The following PCDH15 variants were observed in gnomAD, a reference collection of about 807,000 sequenced individuals.
PCDH15 encodes the protein protocadherin related 15.
A neutral mutation model predicts 178.5 loss-of-function variants in PCDH15; 129 were observed. That is an observed-to-expected ratio of 0.72 (90% CI 0.63 to 0.84). The LOEUF is 0.84. Among genes scored for constraint, PCDH15 ranks in the 40% least tolerant of loss-of-function variants. The pLI is 0.00. For missense variants in PCDH15, 2,230 were observed against 2,099.9 expected (o/e 1.06, Z -1.21); for synonymous variants, 800 against 732.0 (o/e 1.09, Z -1.50).
At chr10:55,437,399 C>G (rs1229068042) in intron 2 of PCDH15, among the ~76,000 whole-genome samples, 2 of 152,074 alleles carry the variant, frequency 1.3e-5, no homozygotes, top group Non-Finnish European at 2.9e-5. Context: ...AATTTGAGTT[C>G]TGGAGGTTCA....
chr10:54,417,549 A>G (rs1836301113), intron 3 of PCDH15, among the ~76,000 whole-genome samples: 1 of 152,176 alleles, frequency 6.6e-6, no homozygotes, highest in Admixed American at 6.5e-5. Context: ...ATATTTAACA[A>G]TGTTTACTAT....
At chr10:53,927,636 A>G (rs559410429) in intron 25 of PCDH15, among the ~76,000 whole-genome samples, 3 of 152,116 alleles carry the variant, frequency 2.0e-5, no homozygotes, top group South Asian at 4.1e-4. Context: ...CATGGCATCA[A>G]ACATAATTTA....
intron 2 of PCDH15, among the ~76,000 whole-genome samples, chr10:55,125,966 T>C (rs1388734749): frequency 6.6e-6 from 1 of 152,100 alleles, no homozygotes; most frequent in Non-Finnish European, 1.5e-5. Flanking sequence ...TCAATGCATA[T>C]GATTTGTGTG....
In PCDH15 at chr10:54,482,806, G is replaced by A. The variant is rs149969966; in HGVS notation, c.157+45006C>T. ...AGAAGCAAGCACATATAGCAGTGGCGAGGTAGTGAATAGAACAAAGTAGCC... is the reference window on the plus strand; with the variant it reads ...AGAAGCAAGCACATATAGCAGTGGCAAGGTAGTGAATAGAACAAAGTAGCC... On this transcript the variant is annotated intron_variant, in intron 3 of 37. Transcript: ENST00000644397. Among the ~76,000 whole-genome samples, 52 of 151,858 alleles carry A rather than the reference G, an allele frequency of 3.4e-4. No homozygotes were observed. In the East Asian group the frequency reaches 7.5e-3, roughly 22 times the overall value.
intron 2 of PCDH15, among the ~76,000 whole-genome samples, chr10:55,501,900 T>C (rs926103524): frequency 6.6e-6 from 1 of 151,716 alleles, no homozygotes; most frequent in African/African-American, 2.4e-5. Flanking sequence ...TAAAGGAACA[T>C]TAATGAAAAA....
intron 18 of PCDH15, among the ~76,000 whole-genome samples, chr10:54,029,322 T>C (rs1164996746): frequency 2.0e-5 from 3 of 152,182 alleles, no homozygotes; most frequent in African/African-American, 7.2e-5. Context: ...AATTAAAAGT[T>C]AATTAAATTT....
At chr10:54,395,088 GC>G (rs1951033500) in intron 3 of PCDH15, among the ~76,000 whole-genome samples, 1 of 152,018 alleles carries the variant, frequency 6.6e-6, no homozygotes, top group African/African-American at 2.4e-5. Flanking sequence ...GGGTCCTGAG[GC>G]TGTAATTACA....
intron 2 of PCDH15, among the ~76,000 whole-genome samples, chr10:54,620,826 C>G (rs1165266203): frequency 6.6e-6 from 1 of 151,966 alleles, no homozygotes; most frequent in African/African-American, 2.4e-5. Context: ...TTCTAAGGGA[C>G]ATATTATCCA....
intron 17 of PCDH15, among the ~76,000 whole-genome samples, chr10:54,076,628 A>C (rs1381420108): frequency 6.6e-6 from 1 of 152,118 alleles, no homozygotes; most frequent in Non-Finnish European, 1.5e-5. Context: ...ATAGCTAAAA[A>C]AAAAATAAAT....
chr10:54,045,267 G>C (rs1428203615), intron 18 of PCDH15, among the ~76,000 whole-genome samples: 1 of 152,052 alleles, frequency 6.6e-6, no homozygotes, highest in Non-Finnish European at 1.5e-5. Flanking sequence ...GCAAAGCTAG[G>C]CTCTGCTGCA....
chr10:54,172,309 C>T (rs372705780), intron 13 of PCDH15, among the ~76,000 whole-genome samples: 8 of 152,016 alleles, frequency 5.3e-5, no homozygotes, highest in East Asian at 1.9e-4. Context: ...TTGCGACCCC[C>T]GACTCCTGCC....
intron 2 of PCDH15, among the ~76,000 whole-genome samples, chr10:55,353,920 T>C (rs1845007102): frequency 1.3e-5 from 2 of 152,208 alleles, no homozygotes; most frequent in South Asian, 4.1e-4. Context: ...TCATTATTTG[T>C]CTTACCTTCT....
At chr10:54,038,939 AT>A (rs1565094160) in intron 18 of PCDH15, among the ~76,000 whole-genome samples, 1 of 151,944 alleles carries the variant, frequency 6.6e-6, no homozygotes, top group Admixed American at 6.6e-5. Context: ...CTAGGGTTTG[AT>A]TTTTTTGATC....
chr10:55,180,462 A>G (rs1839616569), intron 1 of PCDH15, among the ~76,000 whole-genome samples: 1 of 152,120 alleles, frequency 6.6e-6, no homozygotes, highest in East Asian at 1.9e-4. Flanking sequence ...AAAAGGGGAA[A>G]TAGTTAAGAA....
chr10:55,474,815 T>TA (rs1840031789), intron 2 of PCDH15, among the ~76,000 whole-genome samples: 2 of 152,124 alleles, frequency 1.3e-5, no homozygotes, highest in Admixed American at 1.3e-4. Flanking sequence ...TTTTGTATAA[T>TA]AATCACATAT....
intron 16 of PCDH15, among the ~76,000 whole-genome samples, chr10:54,081,561 C>A (rs7921240): frequency 0.81 from 123,236 of 151,900 alleles, 50,606 homozygotes; most frequent in African/African-American, 0.93. Context: ...AGGGGAGAAA[C>A]ACAGGCAGTG....
intron 2 of PCDH15, among the ~76,000 whole-genome samples, chr10:55,439,595 A>AT (rs34013835): frequency 0.044 from 6,579 of 150,528 alleles, 137 homozygotes; most frequent in Middle Eastern, 0.059. Context: ...AGTTTATGGC[A>AT]TTTTTTTTTT....
chr10:55,194,196 A>G (rs1225716845), intron 1 of PCDH15, among the ~76,000 whole-genome samples: 1 of 152,064 alleles, frequency 6.6e-6, no homozygotes, highest in East Asian at 1.9e-4. Context: ...GTGATGTTAT[A>G]GTGATTCATT....
At chr10:54,792,107 G>A (rs1386808544) in intron 1 of PCDH15, among the ~76,000 whole-genome samples, 1 of 151,760 alleles carries the variant, frequency 6.6e-6, no homozygotes, top group Non-Finnish European at 1.5e-5. Flanking sequence ...CATAATCTGG[G>A]GCAGGGCTCC....
Sources: gnomAD v4.1 joint callset for allele counts (sites outside exome capture counted in the v4.1 genomes callset) on GRCh38, gnomAD v4.1.1 for gene constraint, MANE v1.5 for transcripts, NCBI Gene and HGNC (gene_info 2026-07-23, HGNC 2026-07-21) for gene names.